Variants in SWI5 observed in about 807,000 individuals in gnomAD.
SWI5 encodes DNA repair protein SWI5 homolog.
A neutral mutation model predicts 17.0 loss-of-function variants in SWI5; 12 were observed. That is an observed-to-expected ratio of 0.71 (90% CI 0.45 to 1.14). The LOEUF (loss-of-function observed/expected upper bound fraction) is 1.14, where lower values mean the gene tolerates loss of function less well. SWI5 is among the 50% of genes most tolerant of loss of function. The pLI is 0.00. For synonymous variants in SWI5, 61 were observed against 64.0 expected (o/e 0.95, Z 0.22); for missense variants, 158 against 162.2 (o/e 0.97, Z 0.14).
intron 2 of SWI5, among the ~76,000 whole-genome samples, chr9:128,277,999 C>A (rs1387190418): frequency 3.0e-5 from 4 of 133,254 alleles, no homozygotes; most frequent in Non-Finnish European, 6.1e-5. Flanking sequence ...GTCGCCCGGG[C>A]TGGAGTGCAA....
At chr9:128,276,286 C>G in exon 1 of SWI5, 1 of 1,612,820 alleles carries the variant, frequency 6.2e-7, no homozygotes, top group Non-Finnish European at 8.5e-7. Context: ...AGTTCACACT[C>G]CGGGTCAGAG....
chr9:128,282,189 C>A (rs1190597094), intron 2 of SWI5, among the ~76,000 whole-genome samples: 1 of 152,110 alleles, frequency 6.6e-6, no homozygotes, highest in Non-Finnish European at 1.5e-5. Context: ...GAGCTTGAGA[C>A]CAGCCTGACC....
intron 4 of SWI5, among the ~76,000 whole-genome samples, chr9:128,287,925 G>A (rs986249481): frequency 3.9e-5 from 6 of 152,136 alleles, no homozygotes; most frequent in African/African-American, 1.4e-4. Flanking sequence ...TCTACAGAGT[G>A]CTGAGGACAC....
intron 4 of SWI5, among the ~76,000 whole-genome samples, chr9:128,287,790 G>T (rs1831671336): frequency 6.6e-6 from 1 of 151,924 alleles, no homozygotes; most frequent in Non-Finnish European, 1.5e-5. Flanking sequence ...TTGAACTCCT[G>T]ACCCCAAGTG....
upstream of SWI5, chr9:128,275,470 G>A (rs73672485): frequency 7.0e-4 from 918 of 1,303,900 alleles, 4 homozygotes; most frequent in African/African-American, 0.013. Context: ...AAAGAACCCC[G>A]GGAGGTCCGG....
upstream of SWI5, chr9:128,276,212 C>A: frequency 1.2e-6 from 2 of 1,608,462 alleles, no homozygotes; most frequent in Non-Finnish European, 1.7e-6. Context: ...CCGCTGTCCC[C>A]GCCCACCTCG....
rs971678778 is a variant in SWI5, at chr9:128,278,029, T to G, written c.111+1274T>G. ...GTGCAATGGTGCGATCTGGGCTCAC[T>G]GTAACCTCTGCCTCCCAGGCCCAAC... On this transcript the variant is annotated intron_variant, in intron 2 of 4. Transcript: ENST00000418976. Among the ~76,000 whole-genome samples, 3 of 149,180 alleles carry G rather than the reference T, an allele frequency of 2.0e-5. No individual in the cohort carries two copies. In the South Asian group the frequency reaches 6.4e-4, roughly 32 times the overall value.
At position 128,276,598 on chromosome 9, in the gene SWI5, C is replaced by T. The variant is rs201708416; in HGVS notation, c.63-109C>T. The T allele has an allele frequency of 1.2e-5, 19 of 1,608,526 alleles. No homozygotes were observed. The African/African-American group carries it at 1.9e-4, about 16-fold the overall frequency. ...TGCCCCCTTTCCAGATGGATCCAGTCCCTGGCGCTCCTACTTCCCAACTGC... is the reference window on the plus strand; with the variant it reads ...TGCCCCCTTTCCAGATGGATCCAGTTCCTGGCGCTCCTACTTCCCAACTGC... On this transcript the variant is annotated intron_variant, in intron 1 of 4. Coordinates refer to ENST00000418976, the Ensembl canonical transcript of SWI5.
At chr9:128,288,549 G>A in intron 4 of SWI5, 103 bp from the exon 5 acceptor site, 1 of 1,199,638 alleles carries the variant, frequency 8.3e-7, no homozygotes, top group Non-Finnish European at 1.2e-6. Flanking sequence ...GAAGCCAGAG[G>A]TGGTCCTGGG....
intron 4 of SWI5, among the ~76,000 whole-genome samples, chr9:128,288,397 G>A (rs937092616): frequency 6.6e-6 from 1 of 152,236 alleles, no homozygotes; most frequent in Non-Finnish European, 1.5e-5. Flanking sequence ...AGGAGTCCTT[G>A]TAGGTCCATT....
chr9:128,276,577 C>T (rs1564371753), intron 1 of SWI5, 130 bp from the exon 2 acceptor site: 1 of 1,598,398 alleles, frequency 6.3e-7, no homozygotes, highest in Non-Finnish European at 8.5e-7. Flanking sequence ...CGTGTCTGCC[C>T]CCTTTCCAGA....
chr9:128,276,298 TC>T, exon 1 of SWI5: 13 of 1,612,700 alleles, frequency 8.1e-6, no homozygotes, highest in Non-Finnish European at 1.1e-5. Context: ...GGGTCAGAGT[TC>T]CTGGCCCGGT....
chr9:128,277,982 G>T (rs12335613), intron 2 of SWI5, among the ~76,000 whole-genome samples: 46,272 of 132,294 alleles, frequency 0.35, 10,479 homozygotes, highest in African/African-American at 0.67. Context: ...AGACACAGTC[G>T]CACTCTGTCG....
In SWI5 at chr9:128,285,819, A is replaced by G; in HGVS notation, c.234-120A>G. Reference sequence around the variant, plus strand: ...GCAGGGCCTATCTTGCTGTCACCATATCCCTAGTACCTATCACCGAGTAGG... The same window carrying G: ...GCAGGGCCTATCTTGCTGTCACCATGTCCCTAGTACCTATCACCGAGTAGG... On this transcript the variant is annotated intron_variant, in intron 3 of 4. Coordinates refer to ENST00000418976, the Ensembl canonical transcript of SWI5. This position sits in a 1 kb window ranked among gnomAD's most constrained non-coding sequence, Gnocchi z 4.8. 3.1e-6 allele frequency: 2 copies of G among 652,710 alleles called. No individual in the cohort carries two copies. Among genetic ancestry groups the G allele is most frequent in the South Asian group, 3.7e-5 (2 of 54,700 alleles). The allele number at this position is 652,710 out of a possible 1,614,324, so 40.4% of individuals were successfully genotyped here. A position where few individuals can be genotyped will look rare whatever the true frequency, so the allele number is the denominator to read the frequency against.
At chr9:128,287,212 C>T (rs936078896) in intron 4 of SWI5, among the ~76,000 whole-genome samples, 48 of 150,572 alleles carry the variant, frequency 3.2e-4, no homozygotes, top group Non-Finnish European at 3.4e-4. Flanking sequence ...TTTGGGAGGC[C>T]GAGGCAGGTG....
intron 2 of SWI5, among the ~76,000 whole-genome samples, chr9:128,279,440 C>T (rs890231250): frequency 6.6e-6 from 1 of 152,134 alleles, no homozygotes; most frequent in South Asian, 2.1e-4. Context: ...GAAGGTGAGT[C>T]GTCCAAGTGA....
intron 2 of SWI5, among the ~76,000 whole-genome samples, chr9:128,281,555 C>G (rs1185242679): frequency 6.6e-6 from 1 of 152,170 alleles, no homozygotes; most frequent in Non-Finnish European, 1.5e-5. Context: ...TGTACTTCAA[C>G]TTCAAAGCAT....
chr9:128,284,440 C>CTT, intron 2 of SWI5, 70 bp from the exon 3 acceptor site: 1 of 1,561,424 alleles, frequency 6.4e-7, no homozygotes, highest in Admixed American at 1.8e-5. Flanking sequence ...GGAGTGACTA[C>CTT]TGGGGGACAT....
At chr9:128,276,219 C>G, upstream of SWI5, 1 of 1,611,174 alleles carries the variant, frequency 6.2e-7, no homozygotes, top group Non-Finnish European at 8.5e-7. Context: ...CCCCGCCCAC[C>G]TCGGGAGAGG....
Sources: gnomAD v4.1 joint callset for allele counts (sites outside exome capture counted in the v4.1 genomes callset) on GRCh38, gnomAD v4.1.1 for gene constraint, Gnocchi (gnomAD v3.1) non-coding constraint, MANE v1.5 for transcripts, NCBI Gene and HGNC (gene_info 2026-07-23, HGNC 2026-07-21) for gene names.